STK36: variants seen among roughly 807,000 people sequenced by gnomAD.
The protein encoded by STK36 is serine/threonine kinase 36.
A neutral mutation model predicts 142.2 loss-of-function variants in STK36; 116 were observed. That is an observed-to-expected ratio of 0.82 (90% confidence interval 0.70 to 0.95). The LOEUF is 0.95. Among genes scored for constraint, STK36 ranks in the 40% least tolerant of loss-of-function variants. The pLI is 0.00. For missense variants in STK36, 1,422 were observed against 1,617.2 expected (o/e 0.88, Z 2.07); for synonymous variants, 619 against 641.7 (o/e 0.96, Z 0.53).
Position 218,694,229 on chromosome 2 carries a change from A to T in STK36, c.2337-35A>T. On this transcript the variant is annotated intron_variant, in intron 19 of 26. Coordinates refer to ENST00000295709, the MANE Select transcript of STK36 (RefSeq NM_015690.5). The surrounding 1 kb of genome is among the most constrained non-coding windows in gnomAD (Gnocchi z 4.4). ...AGGCCGCTTACCAACCTCCTTTAAT[A>T]CTGCTGCATCCCTTGATGTATCTCT... The T allele has an allele frequency of 6.3e-7, 1 of 1,581,914 alleles. No individual in the cohort carries two copies. Among genetic ancestry groups the T allele is most frequent in the Non-Finnish European group, 8.7e-7 (1 of 1,150,850 alleles).
At position 218,702,101 on chromosome 2, in the gene STK36, G is replaced by A; in HGVS notation, c.*92G>A. 3 of 1,469,958 alleles carry A rather than the reference G, an allele frequency of 2.0e-6. No homozygotes were observed. In the South Asian group the frequency reaches 4.3e-5, roughly 21 times the overall value. The allele number at this position is 1,469,958 out of a possible 1,614,324, so 91.1% of individuals were successfully genotyped here. A position where few individuals can be genotyped will look rare whatever the true frequency, so the allele number is the denominator to read the frequency against. On this transcript the variant is annotated 3_prime_UTR_variant, in exon 27 of 27. Coordinates refer to ENST00000295709, the MANE Select transcript of STK36 (RefSeq NM_015690.5). ...CGCCAACTCAACTGAGAGCTAAAGA[G>A]ACTAGAAAAGAGATAAGCTGCCAAC...
intron 3 of STK36, 46 bp from the exon 4 acceptor site, chr2:218,673,833 A>G: frequency 6.2e-7 from 1 of 1,614,102 alleles, no homozygotes; most frequent in Non-Finnish European, 8.5e-7. Context: ...CCAACCTCAG[A>G]ATGCATGAAT....
At position 218,694,083 on chromosome 2, in the gene STK36, AG is replaced by A; in HGVS notation, c.2336+102del. The stretch of plus-strand genomic sequence containing the variant: ...TGGTACCCTACAGCATATCCTTAGG[AG>A]GAATTGGGATAGAGAGCGTGAAGCT... On this transcript the variant is annotated intron_variant, in intron 19 of 26. Coordinates refer to ENST00000295709, the MANE Select transcript of STK36 (RefSeq NM_015690.5). The surrounding 1 kb of genome is among the most constrained non-coding windows in gnomAD (Gnocchi z 4.4). 1 of 1,311,012 alleles carries A rather than the reference AG, an allele frequency of 7.6e-7. No homozygotes were observed. Among genetic ancestry groups the A allele is most frequent in the Non-Finnish European group, 1.1e-6 (1 of 909,704 alleles). The allele number at this position is 1,311,012 out of a possible 1,614,324, so 81.2% of individuals were successfully genotyped here.
rs1455192974 is a variant in STK36 at position 218,674,870 on chromosome 2, T to C, written c.304-473T>C. ...CCGCCTCAGCCTCCCAAAGTGCTGG[T>C]ATTACAGGTGTGAGCCACCACGCCC... On this transcript the variant is annotated intron_variant, in intron 4 of 26. Transcript: ENST00000295709. Among the ~76,000 whole-genome samples the C allele has an allele frequency of 2.6e-5, 4 of 152,274 alleles. No homozygotes were observed. In the East Asian group the frequency reaches 7.7e-4, roughly 29 times the overall value.
intron 13 of STK36, 126 bp from the exon 14 acceptor site, chr2:218,690,324 G>A: frequency 2.6e-6 from 2 of 780,752 alleles, no homozygotes; most frequent in South Asian, 1.5e-5. Context: ...TGGCAAGGGA[G>A]AAGGGAGGAA....
chr2:218,690,337 T>C (rs2106358741), intron 13 of STK36, 113 bp from the exon 14 acceptor site: 2 of 851,318 alleles, frequency 2.3e-6, no homozygotes, highest in Non-Finnish European at 4.0e-6. Flanking sequence ...GGGAGGAACA[T>C]TCTGATGTGT....
chr2:218,695,321 G>A (rs1238115766), intron 21 of STK36, among the ~76,000 whole-genome samples: 3 of 147,284 alleles, frequency 2.0e-5, no homozygotes, highest in Admixed American at 6.9e-5. Flanking sequence ...TGCCTCCTGG[G>A]TTCAAGCGAT....
In STK36 at chr2:218,698,953, C is replaced by G; in HGVS notation, c.3409C>G (p.Leu1137Val). The G allele has an allele frequency of 6.2e-7, 1 of 1,614,162 alleles. No individual in the cohort carries two copies. The highest frequency in any genetic ancestry group is 8.5e-7 in the Non-Finnish European group (1 of 1,180,012). ...AHTYRLLGHL[L>V]QHSMALRGAL... is the part of the protein sequence containing the mutation. ...CACTTATAGGCTCCTGGGACACTTG[C>G]TCCAACACAGCATGGCCCTGCGTGG... The change falls in exon 26 of 27, where the codon CTC (leucine) becomes GTC (valine). Residue 1137 changes from leucine (L) to valine (V), a missense_variant. Leu to Val is a conservative substitution (Grantham distance 32). Transcript: ENST00000295709.
Position 218,676,137 on chromosome 2 carries a change from G to T in STK36, c.543G>T (p.Ala181=). The change falls in exon 6 of 27, where the codon GCG becomes GCT. Residue 181 remains alanine (A), a synonymous_variant. Transcript: ENST00000295709. The stretch of plus-strand genomic sequence containing the variant: ...AGGAGCGACCATACGACCACACAGC[G>T]GACCTCTGGTCTGTTGGCTGCATAC... ...LVEERPYDHT[A]DLWSVGCILY... is the part of the protein sequence containing the mutation. The T allele has an allele frequency of 6.2e-7, 1 of 1,614,112 alleles. No individual in the cohort carries two copies.
chr2:218,683,520 G>A (rs1475820581), intron 10 of STK36, among the ~76,000 whole-genome samples: 1 of 152,006 alleles, frequency 6.6e-6, no homozygotes, highest in African/African-American at 2.4e-5. Flanking sequence ...TGATCTGCCC[G>A]CCTCGGCCTC....
chr2:218,680,965 C>T (rs551182610), intron 10 of STK36, among the ~76,000 whole-genome samples: 6 of 152,304 alleles, frequency 3.9e-5, no homozygotes, highest in Admixed American at 3.9e-4. Context: ...CGTCTCCTCC[C>T]AAACTTTCTG....
chr2:218,696,764 C>T lies in STK36; in HGVS notation c.2586+163C>T, dbSNP rs571456925. The T allele has an allele frequency of 9.7e-6, 9 of 927,848 alleles. No individual in the cohort carries two copies. In the East Asian group the frequency reaches 2.2e-4, roughly 22 times the overall value. 57.5% of individuals were successfully genotyped at this position (927,848 alleles called of 1,614,324 possible). ...TTCCCCGCCTGCCCTCAGTACTGAC[C>T]CTTTGAAGGAAACCATTCGCTGCGT... is the stretch of plus-strand genomic sequence containing the variant. On this transcript the variant is annotated intron_variant, in intron 22 of 26. Transcript: ENST00000295709.
intron 4 of STK36, 80 bp downstream of exon 4, chr2:218,674,036 T>C: frequency 7.3e-7 from 1 of 1,362,608 alleles, no homozygotes; most frequent in Non-Finnish European, 1.0e-6. Flanking sequence ...CTAAGGACAC[T>C]GAGAGTCTCC....
Position 218,677,065 on chromosome 2 carries a change from C to G in STK36, c.684+787C>G, listed in dbSNP as rs58537675. On this transcript the variant is annotated intron_variant, in intron 6 of 26. Transcript: ENST00000295709. Reference sequence around the variant, plus strand: ...TCTTCTGCCTCAGCCTCCCGAGTAGCTGGGATTACAGGCATGCACCACCAT... The same window carrying G: ...TCTTCTGCCTCAGCCTCCCGAGTAGGTGGGATTACAGGCATGCACCACCAT... 9.2e-5 allele frequency among the ~76,000 whole-genome samples: 14 copies of G among 152,284 alleles called. No individual in the cohort carries two copies. The East Asian group carries it at 2.3e-3, about 25-fold the overall frequency.
intron 2 of STK36, 61 bp from the exon 3 acceptor site, chr2:218,673,564 G>C (rs1336663542): frequency 6.5e-7 from 1 of 1,545,254 alleles, no homozygotes; most frequent in Non-Finnish European, 8.7e-7. Flanking sequence ...GATTAAGGCT[G>C]AAATTCTAGA....
intron 10 of STK36, among the ~76,000 whole-genome samples, chr2:218,684,064 G>T (rs554967473): frequency 2.1e-5 from 3 of 145,448 alleles, no homozygotes; most frequent in Non-Finnish European, 4.5e-5. Flanking sequence ...CTCCCAAAAT[G>T]CTGGGATTAC....
rs969014312 is a variant in STK36, at chr2:218,702,219, T to A, written c.*210T>A. Reference sequence around the variant, plus strand: ...GTTTTCAACCAGTAAATTTTATTGCTGTTGGTGCCAGAGAAGAGTCCTTTC... The same window carrying A: ...GTTTTCAACCAGTAAATTTTATTGCAGTTGGTGCCAGAGAAGAGTCCTTTC... On this transcript the variant is annotated 3_prime_UTR_variant, in exon 27 of 27. Transcript: ENST00000295709. 9 of 540,238 alleles carry A rather than the reference T, an allele frequency of 1.7e-5. No individual in the cohort carries two copies. Among genetic ancestry groups the A allele is most frequent in the African/African-American group, 1.9e-5 (1 of 51,704 alleles). 33.5% of individuals were successfully genotyped at this position (540,238 alleles called of 1,614,324 possible).
intron 10 of STK36, among the ~76,000 whole-genome samples, chr2:218,681,525 G>T (rs1940521679): frequency 6.6e-6 from 1 of 152,056 alleles, no homozygotes; most frequent in Non-Finnish European, 1.5e-5. Flanking sequence ...AATAATTCCT[G>T]TGTATACCCT....
Position 218,688,681 on chromosome 2 carries a change from C to A in STK36, c.1381-16C>A, listed in dbSNP as rs370882111. 36 of 1,607,380 alleles carry A rather than the reference C, an allele frequency of 2.2e-5. No homozygotes were observed. The highest frequency in any genetic ancestry group is 2.2e-4 in the Admixed American group (13 of 58,694). On this transcript the variant is annotated splice_polypyrimidine_tract_variant and intron_variant, in intron 11 of 26. Coordinates refer to ENST00000295709, the MANE Select transcript of STK36 (RefSeq NM_015690.5). ...TGAAAATATCAATCGTTGCCTCTTT[C>A]CCTCATGTCACCCAGATCCTGAAAG...
Sources: allele counts gnomAD v4.1 joint callset (sites outside exome capture counted in the v4.1 genomes callset), GRCh38; gene constraint gnomAD v4.1.1; non-coding constraint Gnocchi (gnomAD v3.1); transcripts MANE v1.5; gene names NCBI Gene and HGNC (gene_info 2026-07-23, HGNC 2026-07-21).